Variants in PLEKHH2 observed in about 807,000 individuals in gnomAD.
PLEKHH2 encodes pleckstrin homology, MyTH4 and FERM domain containing H2.
Under a neutral mutation model 187.9 loss-of-function variants are expected in PLEKHH2, and 129 were observed. The observed-to-expected ratio is 0.69, with a 90% CI of 0.59 to 0.79. The LOEUF is 0.79. Ranked by LOEUF, PLEKHH2 falls within the 30% of genes least tolerant of loss-of-function variation. The probability of loss-of-function intolerance (pLI) is 0.00; values close to 1 mark genes in which losing one functional copy is unlikely to be tolerated. For synonymous variants in PLEKHH2, 686 were observed against 605.6 expected, an observed-to-expected ratio of 1.13 and a Z score of -1.95; for missense variants, 2,076 against 1,751.2, an observed-to-expected ratio of 1.19 and a Z score of -3.31.
Position 43,726,333 on chromosome 2 carries a change from A to G in PLEKHH2, c.2603A>G (p.Asp868Gly). 1.2e-6 allele frequency: 2 copies of G among 1,612,072 alleles called. No individual in the cohort carries two copies. Among genetic ancestry groups the G allele is most frequent in the Non-Finnish European group, 8.5e-7 (1 of 1,178,174 alleles). Residue 868 changes from aspartate (D) to glycine (G), a missense_variant, in exon 17 of 30, where the codon GAT (aspartate) becomes GGT (glycine). Physicochemically the swap from Asp to Gly is moderately conservative, Grantham distance 94. Coordinates refer to ENST00000282406, the MANE Select transcript of PLEKHH2 (RefSeq NM_172069.4). ...GTGGAAGAGGTTGACAGATCTTGTG[A>G]TTCAGATGAAGATTATGAAGCCAGT... The part of the protein sequence containing the change: ...AKVEEVDRSC[D>G]SDEDYEASGR...
chr2:43,702,789 G>T (rs1669446541), intron 8 of PLEKHH2, among the ~76,000 whole-genome samples: 2 of 152,064 alleles, frequency 1.3e-5, no homozygotes, highest in Admixed American at 1.3e-4. Flanking sequence ...GGAATACCAT[G>T]CAAATTACAA....
At chr2:43,642,955 G>T (rs1312244137) in intron 1 of PLEKHH2, among the ~76,000 whole-genome samples, 1 of 152,072 alleles carries the variant, frequency 6.6e-6, no homozygotes, top group African/African-American at 2.4e-5. Context: ...TCTGCGGAAT[G>T]ATATGGTAGT....
rs775276449 is a variant in PLEKHH2, at chr2:43,700,512, C to T, written c.1554C>T (p.Asp518=). ...GATTATTTTCCTATGACTCCTTGGACTCTCCAAATTCAGATGACCAGGAAC... is the reference window on the plus strand; with the variant it reads ...GATTATTTTCCTATGACTCCTTGGATTCTCCAAATTCAGATGACCAGGAAC... ...DDGLFSYDSL[D]SPNSDDQEHC... The change falls in exon 8 of 30, where the codon GAC becomes GAT. Residue 518 remains aspartate (D), a synonymous_variant. Coordinates refer to ENST00000282406, the MANE Select transcript of PLEKHH2 (RefSeq NM_172069.4). 6.2e-7 allele frequency: 1 copy of T among 1,613,996 alleles called. No homozygotes were observed. Among genetic ancestry groups the T allele is most frequent in the South Asian group, 1.1e-5 (1 of 91,084 alleles).
At chr2:43,694,205 A>G (rs570628366) in intron 4 of PLEKHH2, among the ~76,000 whole-genome samples, 2 of 152,334 alleles carry the variant, frequency 1.3e-5, no homozygotes, top group East Asian at 3.9e-4. Context: ...TTTCAGAGAA[A>G]GAGAATAGCG....
intron 2 of PLEKHH2, among the ~76,000 whole-genome samples, chr2:43,652,558 T>A (rs1666540768): frequency 6.6e-6 from 1 of 152,170 alleles, no homozygotes. Flanking sequence ...GATAGAAGTC[T>A]CTAGGGACTC....
At position 43,767,590 on chromosome 2, in the gene PLEKHH2, A is replaced by G. The variant is rs1026688605; in HGVS notation, c.*1992A>G. On this transcript the variant is annotated 3_prime_UTR_variant, in exon 30 of 30. Transcript: ENST00000282406. Reference sequence around the variant, plus strand: ...AGAGTTTCTAAGTTCCTAGAGAGCCATTTAATAATTAGTTGGTGAGCCAGA... The same window carrying G: ...AGAGTTTCTAAGTTCCTAGAGAGCCGTTTAATAATTAGTTGGTGAGCCAGA... 10 of 152,500 alleles carry G rather than the reference A, an allele frequency of 6.6e-5. No individual in the cohort carries two copies. The highest frequency in any genetic ancestry group is 2.4e-4 in the African/African-American group (10 of 41,438). The allele number at this position is 152,500 out of a possible 1,614,324, so 9.4% of individuals were successfully genotyped here. A position where few individuals can be genotyped will look rare whatever the true frequency, so the allele number is the denominator to read the frequency against.
chr2:43,677,377 G>A (rs1469116219), intron 2 of PLEKHH2, among the ~76,000 whole-genome samples: 2 of 152,148 alleles, frequency 1.3e-5, no homozygotes, highest in Non-Finnish European at 2.9e-5. Flanking sequence ...CTAGGTACTT[G>A]AGATTACGGA....
chr2:43,656,347 T>G (rs1208127628), intron 2 of PLEKHH2, among the ~76,000 whole-genome samples: 2 of 152,346 alleles, frequency 1.3e-5, no homozygotes, highest in Non-Finnish European at 1.5e-5. Flanking sequence ...TTATACAGTT[T>G]GTGGAATGGA....
chr2:43,745,990 A>G, intron 24 of PLEKHH2, 27 bp downstream of exon 24: 1 of 1,452,534 alleles, frequency 6.9e-7, no homozygotes, highest in Non-Finnish European at 9.6e-7. Flanking sequence ...CCAGATGCCA[A>G]AGTATGAGTA....
rs765730405 is a variant in PLEKHH2, at chr2:43,743,841, G to A, written c.3407G>A (p.Gly1136Asp). Reference protein sequence around the residue: ...HFMNGIYQVVGFDASTTVEEF... With the variant: ...HFMNGIYQVVDFDASTTVEEF... ...TTTGTTATTTCTGTCTAGGTAGTTGGTTTTGACGCATCTACCACAGTGGAA... is the reference window on the plus strand; with the variant it reads ...TTTGTTATTTCTGTCTAGGTAGTTGATTTTGACGCATCTACCACAGTGGAA... The change falls in exon 23 of 30, where the codon GGT becomes GAT. Residue 1136 changes from glycine (G) to aspartate (D), a missense_variant. Gly to Asp is a moderately conservative substitution (Grantham distance 94, BLOSUM62 -1). Transcript: ENST00000282406. 4 of 1,612,732 alleles carry A rather than the reference G, an allele frequency of 2.5e-6. No homozygotes were observed. The African/African-American group carries it at 4.0e-5, about 16-fold the overall frequency.
At chr2:43,738,543 A>G (rs1671409724) in intron 20 of PLEKHH2, 23 bp downstream of exon 20, 1 of 1,553,334 alleles carries the variant, frequency 6.4e-7, no homozygotes, top group African/African-American at 1.4e-5. Flanking sequence ...ATTGATACAT[A>G]TACATGCAAT....
chr2:43,667,189 T>C (rs965602714), intron 2 of PLEKHH2, among the ~76,000 whole-genome samples: 4 of 152,202 alleles, frequency 2.6e-5, no homozygotes, highest in Non-Finnish European at 5.9e-5. Flanking sequence ...GGCTATTTCT[T>C]CTAGTATCAT....
intron 2 of PLEKHH2, among the ~76,000 whole-genome samples, chr2:43,654,095 A>G (rs557677310): frequency 6.6e-6 from 1 of 152,366 alleles, no homozygotes; most frequent in African/African-American, 2.4e-5. Context: ...AAACAGAAGC[A>G]TGTTACTTAA....
chr2:43,754,918 G>A (rs1227245081), intron 25 of PLEKHH2, among the ~76,000 whole-genome samples: 1 of 129,860 alleles, frequency 7.7e-6, no homozygotes, highest in African/African-American at 3.1e-5. Context: ...TTTTGCCCAA[G>A]CTGGAGTGAA....
At chr2:43,651,314 G>T (rs772682569) in intron 2 of PLEKHH2, among the ~76,000 whole-genome samples, 37 of 150,128 alleles carry the variant, frequency 2.5e-4, no homozygotes, top group Non-Finnish European at 4.3e-4. Context: ...TGATCCACCC[G>T]CCTCGGCCTC....
At chr2:43,747,193 T>C (rs754411912) in intron 24 of PLEKHH2, among the ~76,000 whole-genome samples, 2 of 151,832 alleles carry the variant, frequency 1.3e-5, no homozygotes, top group African/African-American at 2.4e-5. Context: ...ATAAATAAAA[T>C]TGTAATAAAT....
At chr2:43,652,946 A>G (rs1252736664) in intron 2 of PLEKHH2, among the ~76,000 whole-genome samples, 2 of 152,162 alleles carry the variant, frequency 1.3e-5, no homozygotes, top group Admixed American at 6.5e-5. Context: ...AACCAAAAAC[A>G]TGGTAGAAAA....
chr2:43,700,039 A>G lies in PLEKHH2; in HGVS notation c.1081A>G (p.Lys361Glu). 1 of 1,614,222 alleles carries G rather than the reference A, an allele frequency of 6.2e-7. No homozygotes were observed. The highest frequency in any genetic ancestry group is 8.5e-7 in the Non-Finnish European group (1 of 1,180,032). Residue 361 changes from lysine (K) to glutamate (E), a missense_variant, in exon 8 of 30, where the codon AAA (lysine) becomes GAA (glutamate). Physicochemically the swap from Lys to Glu is moderately conservative, Grantham distance 56. Coordinates refer to ENST00000282406, the MANE Select transcript of PLEKHH2 (RefSeq NM_172069.4). ...TTCTTGGCAGCAGGAGGCACAGTGG[A>G]AAGCTCTAAATAGTCCTCTTGGAAA... is the stretch of plus-strand genomic sequence containing the variant. ...LYSWQQEAQWKALNSPLGKGN... is the reference protein window; with the variant it reads ...LYSWQQEAQWEALNSPLGKGN...
chr2:43,639,019 T>A (rs1176292217), intron 1 of PLEKHH2, among the ~76,000 whole-genome samples: 1 of 152,224 alleles, frequency 6.6e-6, no homozygotes, highest in African/African-American at 2.4e-5. Context: ...AATAGGTATG[T>A]TTGACTTTGA....
Sources: gnomAD v4.1 joint callset for allele counts (sites outside exome capture counted in the v4.1 genomes callset) on GRCh38, gnomAD v4.1.1 for gene constraint, MANE v1.5 for transcripts, NCBI Gene and HGNC (gene_info 2026-07-23, HGNC 2026-07-21) for gene names.